The following NDRG3 variants were observed in gnomAD, a reference collection of about 807,000 sequenced individuals.
NDRG3 encodes protein NDRG3.
A neutral mutation model predicts 57.2 loss-of-function variants in NDRG3; 23 were observed. The observed-to-expected ratio is 0.40, with a 90% confidence interval of 0.29 to 0.57. The LOEUF is 0.57. NDRG3 is among the 20% of genes least tolerant of loss of function. The probability of loss-of-function intolerance (pLI) is 0.42; values close to 1 mark genes in which losing one functional copy is unlikely to be tolerated. For missense variants in NDRG3, 384 were observed against 457.3 expected (o/e 0.84, Z 1.46); for synonymous variants, 132 against 162.6 (o/e 0.81, Z 1.43).
At position 36,653,502 on chromosome 20, in the gene NDRG3, C is replaced by G. The variant is rs762616157; in HGVS notation, c.*18G>C. 1 of 1,610,516 alleles carries G rather than the reference C, an allele frequency of 6.2e-7. No homozygotes were observed. The highest frequency in any genetic ancestry group is 1.7e-5 in the Admixed American group (1 of 59,698). Reference sequence around the variant, plus strand: ...TTTGAAGGATGGACTTGCAATGGTCCAGGGGAGGAGCATCTGCTTAGCAGG... The same window carrying G: ...TTTGAAGGATGGACTTGCAATGGTCGAGGGGAGGAGCATCTGCTTAGCAGG... On this transcript the variant is annotated 3_prime_UTR_variant, in exon 16 of 16. Transcript: ENST00000349004. This position sits in a 1 kb window ranked among gnomAD's most constrained non-coding sequence, Gnocchi z 4.2.
At position 36,678,002 on chromosome 20, in the gene NDRG3, C is replaced by G. The variant is rs143016478; in HGVS notation, c.531+2814G>C. On this transcript the variant is annotated intron_variant, in intron 8 of 15. Coordinates refer to ENST00000349004, the MANE Select transcript of NDRG3 (RefSeq NM_032013.4). ...ACCCATTTTTTACTCTGGTTTGGGA[C>G]TGGGACTGGGAGTGCTTATATTTGT... 5.3e-4 allele frequency among the ~76,000 whole-genome samples: 80 copies of G among 152,294 alleles called. 1 individual carries two copies. The East Asian group carries it at 0.012, about 23-fold the overall frequency.
chr20:36,717,876 A>T (rs987025516), intron 2 of NDRG3, among the ~76,000 whole-genome samples: 3 of 152,212 alleles, frequency 2.0e-5, no homozygotes, highest in Non-Finnish European at 4.4e-5. Flanking sequence ...TGCTATTAGC[A>T]TCTAGTGGGT....
intron 3 of NDRG3, among the ~76,000 whole-genome samples, chr20:36,701,863 TAAA>T (rs200584072): frequency 6.0e-5 from 7 of 116,126 alleles, no homozygotes; most frequent in Admixed American, 8.8e-5. Context: ...CCTGCATCTT[TAAA>T]AAAAAAAAAA....
chr20:36,705,187 T>C (rs1191042243), intron 3 of NDRG3, among the ~76,000 whole-genome samples: 1 of 151,602 alleles, frequency 6.6e-6, no homozygotes, highest in African/African-American at 2.4e-5. Flanking sequence ...CCAGGTGTGG[T>C]GGCGGGCTCC....
At chr20:36,658,422 A>G (rs1197673739) in intron 13 of NDRG3, among the ~76,000 whole-genome samples, 1 of 152,114 alleles carries the variant, frequency 6.6e-6, no homozygotes, top group Non-Finnish European at 1.5e-5. Flanking sequence ...CCCCTCCCCA[A>G]AATTTTTAGA....
chr20:36,723,117 C>T (rs1388288537), intron 1 of NDRG3, among the ~76,000 whole-genome samples: 1 of 152,198 alleles, frequency 6.6e-6, no homozygotes, highest in Admixed American at 6.5e-5. Context: ...ACATGAGAGA[C>T]TCTAAGTCAG....
At chr20:36,692,902 C>T (rs1289418275) in intron 3 of NDRG3, among the ~76,000 whole-genome samples, 1 of 149,622 alleles carries the variant, frequency 6.7e-6, no homozygotes, top group Non-Finnish European at 1.5e-5. Flanking sequence ...AGCAAGACTG[C>T]ATATCTACAA....
intron 3 of NDRG3, among the ~76,000 whole-genome samples, chr20:36,701,858 A>G (rs1983249908): frequency 1.4e-5 from 2 of 146,836 alleles, no homozygotes; most frequent in Admixed American, 1.4e-4. Context: ...GAGACCCTGC[A>G]TCTTTAAAAA....
intron 1 of NDRG3, among the ~76,000 whole-genome samples, chr20:36,735,606 G>A (rs2148224614): frequency 6.6e-6 from 1 of 152,292 alleles, no homozygotes; most frequent in Middle Eastern, 3.4e-3. Flanking sequence ...TTTCCCAAGG[G>A]AAGGGAGAAT....
intron 2 of NDRG3, among the ~76,000 whole-genome samples, chr20:36,716,532 CAAA>C (rs35687613): frequency 6.0e-5 from 6 of 100,500 alleles, no homozygotes; most frequent in African/African-American, 8.0e-5. Flanking sequence ...GACTCCATCT[CAAA>C]AAAAAAAAAA....
At position 36,665,255 on chromosome 20, in the gene NDRG3, TATC is replaced by T. The variant is rs761927183; in HGVS notation, c.736_738del (p.Asp246del). 1 of 1,614,212 alleles carries T rather than the reference TATC, an allele frequency of 6.2e-7. No individual in the cohort carries two copies. The highest frequency in any genetic ancestry group is 2.2e-5 in the East Asian group (1 of 44,882). ...ACTTACTTTAATGTTTTTGATTTGT[TATC>T]ATTTTGGCCCAGTATGGGTCTTTCG... On this transcript the variant is annotated inframe_deletion, in exon 11 of 16. Transcript: ENST00000349004.
At chr20:36,705,482 C>T (rs565921138) in intron 3 of NDRG3, among the ~76,000 whole-genome samples, 75 of 152,232 alleles carry the variant, frequency 4.9e-4, no homozygotes, top group Non-Finnish European at 9.7e-4. Flanking sequence ...TCTTCTGATG[C>T]TAATGCTTAG....
intron 1 of NDRG3, among the ~76,000 whole-genome samples, chr20:36,739,224 G>T (rs1196171785): frequency 6.7e-6 from 1 of 149,186 alleles, no homozygotes; most frequent in Admixed American, 6.7e-5. Context: ...CGAGGCTGGC[G>T]GATCACGAGG....
chr20:36,687,447 C>A, intron 5 of NDRG3, 45 bp downstream of exon 5: 1 of 1,599,814 alleles, frequency 6.3e-7, no homozygotes, highest in Non-Finnish European at 8.5e-7. Context: ...CAGCCAGTTG[C>A]TCTACTGAGT....
chr20:36,683,052 C>T (rs1233258917), intron 6 of NDRG3, among the ~76,000 whole-genome samples: 12 of 152,044 alleles, frequency 7.9e-5, no homozygotes, highest in Non-Finnish European at 1.6e-4. Flanking sequence ...ACCATCCTGG[C>T]TAACACGGTG....
At chr20:36,719,105 T>A (rs112404670) in intron 2 of NDRG3, among the ~76,000 whole-genome samples, 6,830 of 151,968 alleles carry the variant, frequency 0.045, 539 homozygotes, top group African/African-American at 0.16. Flanking sequence ...TATGAGGGGA[T>A]GCAGCAGGAG....
intron 3 of NDRG3, among the ~76,000 whole-genome samples, chr20:36,689,741 G>A (rs1182621479): frequency 2.1e-4 from 26 of 125,980 alleles, no homozygotes; most frequent in African/African-American, 7.8e-4. Context: ...TTTTTTTTGA[G>A]ACAGAGTCTC....
chr20:36,691,254 G>C (rs1252565365), intron 3 of NDRG3, among the ~76,000 whole-genome samples: 4 of 152,194 alleles, frequency 2.6e-5, no homozygotes, highest in East Asian at 3.8e-4. Flanking sequence ...TCAAATTACA[G>C]GCCCTAGGCT....
At chr20:36,739,719 G>A (rs767953947) in intron 1 of NDRG3, among the ~76,000 whole-genome samples, 15 of 151,718 alleles carry the variant, frequency 9.9e-5, no homozygotes, top group Admixed American at 2.6e-4. Context: ...TCAGGAGATC[G>A]AGACCATGGT....
Sources: gnomAD v4.1 joint callset for allele counts (sites outside exome capture counted in the v4.1 genomes callset) on GRCh38, gnomAD v4.1.1 for gene constraint, Gnocchi (gnomAD v3.1) non-coding constraint, MANE v1.5 for transcripts, NCBI Gene and HGNC (gene_info 2026-07-23, HGNC 2026-07-21) for gene names.